The following CREBBP variants were observed in gnomAD, a reference collection of about 807,000 sequenced individuals.
CREBBP encodes CREB binding lysine acetyltransferase.
In CREBBP, 19 loss-of-function variants were observed where a neutral mutation model predicts 265.0. That is an observed-to-expected ratio of 0.07 (90% confidence interval 0.05 to 0.11). The LOEUF is 0.11. Among genes scored for constraint, CREBBP ranks in the 10% least tolerant of loss-of-function variants. The probability of loss-of-function intolerance (pLI) is 1.00; values close to 1 mark genes in which losing one functional copy is unlikely to be tolerated. For synonymous variants in CREBBP, 1,457 were observed against 1,223.7 expected (o/e 1.19, Z -3.98); for missense variants, 2,525 against 3,219.0 (o/e 0.78, Z 5.22).
In CREBBP at chr16:3,757,269, G is replaced by A. The variant is rs1294475276; in HGVS notation, c.3698+19C>T. On this transcript the variant is annotated intron_variant, in intron 19 of 30. Coordinates refer to ENST00000262367, the MANE Select transcript of CREBBP (RefSeq NM_004380.3). ...TGCCTTGCCCTAAGACATAATGCAG[G>A]ATGCTGCTTGACGCTTACCTATTCT... 6.3e-7 allele frequency: 1 copy of A among 1,586,488 alleles called. No homozygotes were observed. The highest frequency in any genetic ancestry group is 2.2e-5 in the East Asian group (1 of 44,698).
At chr16:3,822,930 G>C (rs1291385560) in intron 2 of CREBBP, among the ~76,000 whole-genome samples, 1 of 152,198 alleles carries the variant, frequency 6.6e-6, no homozygotes, top group African/African-American at 2.4e-5. Flanking sequence ...TACACAGGAA[G>C]CGCCTAGAAA....
At chr16:3,848,166 T>C (rs1352073980) in intron 2 of CREBBP, among the ~76,000 whole-genome samples, 5 of 146,242 alleles carry the variant, frequency 3.4e-5, no homozygotes, top group African/African-American at 1.0e-4. Flanking sequence ...TGAAACTCCA[T>C]CTCAGAAAAA....
intron 2 of CREBBP, among the ~76,000 whole-genome samples, chr16:3,839,028 C>A (rs1161866053): frequency 6.6e-6 from 1 of 152,200 alleles, no homozygotes; most frequent in African/African-American, 2.4e-5. Context: ...ATGTTACATA[C>A]ACCATCTCAT....
chr16:3,729,278 G>A lies in CREBBP; in HGVS notation c.5769C>T (p.Ser1923=), dbSNP rs772392148. The A allele has an allele frequency of 3.6e-5, 55 of 1,533,504 alleles. No individual in the cohort carries two copies. The highest frequency in any genetic ancestry group is 2.0e-4 in the Middle Eastern group (1 of 5,014). The allele number at this position is 1,533,504 out of a possible 1,614,324, so 95.0% of individuals were successfully genotyped here. A position where few individuals can be genotyped will look rare whatever the true frequency, so the allele number is the denominator to read the frequency against. The change falls in exon 31 of 31, where the codon AGC becomes AGT. Residue 1923 remains serine, a synonymous_variant. Coordinates refer to ENST00000262367, the MANE Select transcript of CREBBP (RefSeq NM_004380.3). Reference sequence around the variant, plus strand: ...TGGTGGGGGGCTGAGTCCGGGCCACGCTGGGGAAGCCAGCTGGTGACATGC... The same window carrying A: ...TGGTGGGGGGCTGAGTCCGGGCCACACTGGGGAAGCCAGCTGGTGACATGC... ...PVSMSPAGFP[S]VARTQPPTTV...
intron 3 of CREBBP, among the ~76,000 whole-genome samples, chr16:3,801,553 C>T (rs186654787): frequency 2.6e-4 from 39 of 152,104 alleles, no homozygotes; most frequent in Admixed American, 1.1e-3. Flanking sequence ...ACCTGTAATC[C>T]CAGCTACTCG....
intron 1 of CREBBP, among the ~76,000 whole-genome samples, chr16:3,862,530 A>C (rs767274674): frequency 6.6e-6 from 1 of 152,188 alleles, no homozygotes; most frequent in Non-Finnish European, 1.5e-5. Context: ...AGAGCTTAGA[A>C]TTTGGGTTTT....
intron 2 of CREBBP, among the ~76,000 whole-genome samples, chr16:3,817,300 T>C (rs983417199): frequency 1.3e-5 from 2 of 152,206 alleles, no homozygotes; most frequent in African/African-American, 4.8e-5. Context: ...TCAGCCTCCA[T>C]GGTCACTTCT....
chr16:3,774,480 GA>G (rs1461284244), intron 12 of CREBBP, 88 bp downstream of exon 12: 39 of 1,563,804 alleles, frequency 2.5e-5, no homozygotes, highest in Non-Finnish European at 3.1e-5. Flanking sequence ...AGAACCACAG[GA>G]TTCTCAAGTG....
intron 3 of CREBBP, among the ~76,000 whole-genome samples, chr16:3,795,245 A>AT (rs918606554): frequency 2.0e-5 from 3 of 149,206 alleles, no homozygotes; most frequent in African/African-American, 5.2e-5. Flanking sequence ...TCTTATGTTT[A>AT]TTTTTTCCTG....
Position 3,728,360 on chromosome 16 carries a change from G to C in CREBBP, c.6687C>G (p.Gly2229=), listed in dbSNP as rs764254639. 3.1e-6 allele frequency: 5 copies of C among 1,606,686 alleles called. No individual in the cohort carries two copies. The South Asian group carries it at 5.5e-5, about 18-fold the overall frequency. Residue 2229 remains glycine, a synonymous_variant, in exon 31 of 31, where the codon GGC becomes GGG. Transcript: ENST00000262367. The surrounding 1 kb of genome is among the most constrained non-coding windows in gnomAD (Gnocchi z 8.7). ...CGGGTCCTTGAGGCTGCTGGAACTGGCCGTGCCCCGCCATGCCCCCAGCCA... is the reference window on the plus strand; with the variant it reads ...CGGGTCCTTGAGGCTGCTGGAACTGCCCGTGCCCCGCCATGCCCCCAGCCA... The part of the protein sequence containing the change: ...AGMAGGMAGH[G]QFQQPQGPGG...
chr16:3,861,985 C>T (rs1386515906), intron 1 of CREBBP, among the ~76,000 whole-genome samples: 1 of 152,128 alleles, frequency 6.6e-6, no homozygotes, highest in Non-Finnish European at 1.5e-5. Flanking sequence ...GCAGCCCCCA[C>T]CCTCTCCTCC....
intron 21 of CREBBP, among the ~76,000 whole-genome samples, chr16:3,748,354 T>C (rs1396941716): frequency 2.0e-5 from 3 of 150,182 alleles, no homozygotes; most frequent in Non-Finnish European, 3.0e-5. Flanking sequence ...AAAGACACAA[T>C]GTGAAAAGAA....
chr16:3,839,534 T>C (rs2054522901), intron 2 of CREBBP, among the ~76,000 whole-genome samples: 1 of 151,180 alleles, frequency 6.6e-6, no homozygotes, highest in Non-Finnish European at 1.5e-5. Context: ...TACAAAAAAT[T>C]AGCTGGGCAT....
At chr16:3,764,192 G>C (rs999103125) in intron 16 of CREBBP, among the ~76,000 whole-genome samples, 8 of 149,618 alleles carry the variant, frequency 5.3e-5, no homozygotes, top group South Asian at 4.2e-4. Flanking sequence ...AGGCTGGCTT[G>C]AACTCCTGGC....
At chr16:3,758,088 C>A in intron 17 of CREBBP, 40 bp from the exon 18 acceptor site, 1 of 1,608,680 alleles carries the variant, frequency 6.2e-7, no homozygotes, top group Non-Finnish European at 8.5e-7. Context: ...GGGAATCCCC[C>A]AATATCCAAA....
intron 1 of CREBBP, among the ~76,000 whole-genome samples, chr16:3,855,130 C>T (rs1022560356): frequency 2.6e-4 from 39 of 152,184 alleles, no homozygotes; most frequent in Admixed American, 1.6e-3. Context: ...AATGACATGT[C>T]CTATAGCCAT....
intron 16 of CREBBP, 177 bp downstream of exon 16, chr16:3,767,532 ACAGGCACAGGG>A: frequency 1.4e-6 from 1 of 732,984 alleles, no homozygotes. Flanking sequence ...CATGAGCCCC[ACAGGCACAGGG>A]CAGGGGTCCT....
intron 1 of CREBBP, among the ~76,000 whole-genome samples, chr16:3,854,600 T>C (rs2054921191): frequency 6.6e-6 from 1 of 152,250 alleles, no homozygotes; most frequent in Admixed American, 6.5e-5. Context: ...CACGTGAGGC[T>C]ATCTTCTTGG....
In CREBBP at chr16:3,728,029, T is replaced by G; in HGVS notation, c.7018A>C (p.Ser2340Arg). The G allele has an allele frequency of 6.2e-7, 1 of 1,611,842 alleles. No homozygotes were observed. The highest frequency in any genetic ancestry group is 8.5e-7 in the Non-Finnish European group (1 of 1,178,200). Residue 2340 changes from serine (S) to arginine (R), a missense_variant, in exon 31 of 31, where the codon AGT (serine) becomes CGT (arginine). Ser to Arg is a moderately radical substitution (Grantham distance 110). Coordinates refer to ENST00000262367, the MANE Select transcript of CREBBP (RefSeq NM_004380.3). The surrounding 1 kb of genome is among the most constrained non-coding windows in gnomAD (Gnocchi z 8.7). ...GGGGCTGGAGACCGCACCTGGTTAC[T>G]AAGGGACGTGGCGATCTGCTGGCCA... The part of the protein sequence containing the change: ...LPGQQIATSL[S>R]NQVRSPAPVQ...
Sources: gnomAD v4.1 joint callset for allele counts (sites outside exome capture counted in the v4.1 genomes callset) on GRCh38, gnomAD v4.1.1 for gene constraint, Gnocchi (gnomAD v3.1) non-coding constraint, MANE v1.5 for transcripts, NCBI Gene and HGNC (gene_info 2026-07-23, HGNC 2026-07-21) for gene names.